Variants in MGME1 observed in about 807,000 individuals in gnomAD.
MGME1 encodes the protein mitochondrial genome maintenance exonuclease 1, also known as chromosome 20 open reading frame 72.
A neutral mutation model predicts 33.0 loss-of-function variants in MGME1; 22 were observed. The ratio of observed to expected loss-of-function variants is 0.67; its 90% CI spans 0.48 to 0.95. MGME1 has a LOEUF of 0.95. Among genes scored for constraint, MGME1 ranks in the 40% least tolerant of loss-of-function variants. The pLI, the probability that MGME1 is intolerant of heterozygous loss-of-function variation, is 0.00. For missense variants in MGME1, 383 were observed against 397.8 expected, an observed-to-expected ratio of 0.96 and a Z score of 0.32; for synonymous variants, 133 against 144.0, an observed-to-expected ratio of 0.92 and a Z score of 0.55.
chr20:17,982,340 G>A (rs1197944448), intron 3 of MGME1, among the ~76,000 whole-genome samples: 3 of 151,926 alleles, frequency 2.0e-5, no homozygotes, highest in East Asian at 1.9e-4. Context: ...GGTTGGTCTC[G>A]AACTCCTGAC....
At chr20:17,984,864 C>T (rs1011492548) in intron 3 of MGME1, among the ~76,000 whole-genome samples, 10 of 151,456 alleles carry the variant, frequency 6.6e-5, no homozygotes, top group Non-Finnish European at 1.3e-4. Flanking sequence ...GATGAAACTC[C>T]GTCTTTGCTA....
chr20:17,986,383 TC>T (rs2036155520), intron 3 of MGME1, among the ~76,000 whole-genome samples: 1 of 151,082 alleles, frequency 6.6e-6, no homozygotes, highest in South Asian at 2.1e-4. Context: ...TTTTTTTTTT[TC>T]TTTTTTCCTG....
upstream of MGME1, chr20:17,968,678 A>G: frequency 1.7e-6 from 1 of 583,394 alleles, no homozygotes; most frequent in Non-Finnish European, 3.1e-6. Context: ...GGAGCCGGGC[A>G]AAGACGCCAC....
At chr20:17,983,241 CT>C (rs1040740733) in intron 3 of MGME1, among the ~76,000 whole-genome samples, 3 of 139,020 alleles carry the variant, frequency 2.2e-5, no homozygotes, top group African/African-American at 8.0e-5. Flanking sequence ...GAATTTCCTT[CT>C]TTTTAAAGGC....
At position 17,969,161 on chromosome 20, in the gene MGME1, G is replaced by A. The variant is rs1186390161; in HGVS notation, c.-60+20G>A. 6.6e-6 allele frequency: 1 copy of A among 152,308 alleles called. No individual in the cohort carries two copies. The highest frequency in any genetic ancestry group is 2.4e-5 in the African/African-American group (1 of 41,478). 9.4% of individuals were successfully genotyped at this position (152,308 alleles called of 1,614,324 possible). On this transcript the variant is annotated intron_variant, in intron 1 of 4. Coordinates refer to ENST00000377710, the MANE Select transcript of MGME1 (RefSeq NM_052865.4). Reference sequence around the variant, plus strand: ...TCCAAGGTACCGACACTTGCCGTAGGCTGGGCTTTTATTTAAGTCGTCTTT... The same window carrying A: ...TCCAAGGTACCGACACTTGCCGTAGACTGGGCTTTTATTTAAGTCGTCTTT...
At chr20:17,979,576 AT>A (rs1165338499) in intron 3 of MGME1, among the ~76,000 whole-genome samples, 230 of 139,768 alleles carry the variant, frequency 1.6e-3, no homozygotes, top group Non-Finnish European at 1.6e-3. Flanking sequence ...CGCCCGGCTA[AT>A]TTTTTTTTTT....
At chr20:17,980,059 G>A (rs542710894) in intron 3 of MGME1, among the ~76,000 whole-genome samples, 96 of 151,880 alleles carry the variant, frequency 6.3e-4, no homozygotes, top group Non-Finnish European at 1.0e-3. Flanking sequence ...GAGTTTTGCT[G>A]TTGTCGCCCA....
In MGME1 at chr20:17,988,531, A is replaced by G. The variant is rs529885706; in HGVS notation, c.864+233A>G. Among the ~76,000 whole-genome samples, 31 of 151,876 alleles carry G rather than the reference A, an allele frequency of 2.0e-4. 1 individual carries two copies. The highest frequency in any genetic ancestry group is 7.2e-4 in the African/African-American group (30 of 41,422). On this transcript the variant is annotated intron_variant, in intron 4 of 4. Transcript: ENST00000377710. ...GTGGCTCATGCCTGTAATCCCAGCT[A>G]TTCTAGTAGCTGAGGCAGGAGAATT...
At chr20:17,975,340 C>T (rs867466451) in intron 2 of MGME1, among the ~76,000 whole-genome samples, 2 of 151,940 alleles carry the variant, frequency 1.3e-5, no homozygotes, top group Admixed American at 6.6e-5. Context: ...TGGCAGATCA[C>T]GAGGTCAGGA....
rs2036262691 is a variant in MGME1 at position 17,990,272 on chromosome 20, A to G, written c.*163A>G. ...AAATGTGTTGTTACCAAAAAGACTG[A>G]AAAGCCCCAAAGTCTAGATATAAAG... On this transcript the variant is annotated 3_prime_UTR_variant, in exon 5 of 5. Coordinates refer to ENST00000377710, the MANE Select transcript of MGME1 (RefSeq NM_052865.4). 4.4e-6 allele frequency: 3 copies of G among 685,910 alleles called. No individual in the cohort carries two copies. The highest frequency in any genetic ancestry group is 7.6e-6 in the Non-Finnish European group (3 of 396,432). 42.5% of individuals were successfully genotyped at this position (685,910 alleles called of 1,614,324 possible). A position where few individuals can be genotyped will look rare whatever the true frequency, so the allele number is the denominator to read the frequency against.
At chr20:17,975,569 GAAAAA>G in intron 2 of MGME1, 110 bp from the exon 3 acceptor site, 1 of 682,040 alleles carries the variant, frequency 1.5e-6, no homozygotes, top group South Asian at 2.1e-5. Context: ...AAAAAAAAAA[GAAAAA>G]AAAATGTCAT....
intron 4 of MGME1, among the ~76,000 whole-genome samples, chr20:17,988,595 T>C (rs1036325692): frequency 8.7e-5 from 13 of 149,572 alleles, no homozygotes; most frequent in African/African-American, 3.2e-4. Context: ...TGAGCCAAGA[T>C]TGCGCCACTA....
rs138297582 is a variant in MGME1 at position 17,982,154 on chromosome 20, G to A, written c.732-6012G>A. On this transcript the variant is annotated intron_variant, in intron 3 of 4. Transcript: ENST00000377710. ...TATTTATTTTTTTTCTTGAGACGGA[G>A]TTTCACCCTTGTTGCCCAGGCTGGA... is the stretch of plus-strand genomic sequence containing the variant. Among the ~76,000 whole-genome samples the A allele has an allele frequency of 5.2e-3, 795 of 152,180 alleles. 2 individuals carry two copies. Among genetic ancestry groups the A allele is most frequent in the Non-Finnish European group, 9.4e-3 (639 of 67,996 alleles).
chr20:17,971,005 C>T (rs1292034666), intron 2 of MGME1, among the ~76,000 whole-genome samples: 2 of 152,114 alleles, frequency 1.3e-5, no homozygotes, highest in Non-Finnish European at 2.9e-5. Context: ...TTAGCTAGTC[C>T]CATAAATTAT....
rs760288402 is a variant in MGME1, at chr20:17,975,668, C to T, written c.512-16C>T. On this transcript the variant is annotated splice_polypyrimidine_tract_variant and intron_variant, in intron 2 of 4. Transcript: ENST00000377710. ...TTGTGTTTCCCCCCTCCCCTTTTCCCTGATTTTCTTTTCAGACGTCTTTTT... is the reference window on the plus strand; with the variant it reads ...TTGTGTTTCCCCCCTCCCCTTTTCCTTGATTTTCTTTTCAGACGTCTTTTT... 2.5e-6 allele frequency: 4 copies of T among 1,601,566 alleles called. No individual in the cohort carries two copies. Among genetic ancestry groups the T allele is most frequent in the Non-Finnish European group, 3.4e-6 (4 of 1,169,790 alleles).
At chr20:17,972,792 A>G (rs147812571) in intron 2 of MGME1, 2 of 985,160 alleles carry the variant, frequency 2.0e-6, no homozygotes, top group East Asian at 1.1e-4. Flanking sequence ...TTGGCATGGC[A>G]TTTGCTAAGT....
Position 17,989,990 on chromosome 20 carries a change from C to G in MGME1, c.916C>G (p.Pro306Ala), listed in dbSNP as rs1331898499. 1.2e-6 allele frequency: 2 copies of G among 1,614,038 alleles called. No individual in the cohort carries two copies. Among genetic ancestry groups the G allele is most frequent in the Non-Finnish European group, 1.7e-6 (2 of 1,180,046 alleles). Residue 306 changes from proline to alanine, a missense_variant, in exon 5 of 5, where the codon CCA (proline) becomes GCA (alanine). Pro to Ala is a conservative substitution (Grantham distance 27). Coordinates refer to ENST00000377710, the MANE Select transcript of MGME1 (RefSeq NM_052865.4). ...CTACAAAGATGGATCACCTGCCCAC[C>G]CACATTTCATGGATGCAGAGCTCTG... ...VAYKDGSPAH[P>A]HFMDAELCSQ...
chr20:17,972,297 C>T (rs1219106471), intron 2 of MGME1, among the ~76,000 whole-genome samples: 1 of 152,156 alleles, frequency 6.6e-6, no homozygotes, highest in African/African-American at 2.4e-5. Flanking sequence ...AGAAATGTGT[C>T]TGGCATTCTT....
intron 2 of MGME1, among the ~76,000 whole-genome samples, chr20:17,972,915 T>C (rs1052626254): frequency 6.6e-6 from 1 of 151,144 alleles, no homozygotes. Flanking sequence ...ATAAATTTCT[T>C]GTAGGTCTTT....
Sources: allele counts gnomAD v4.1 joint callset (sites outside exome capture counted in the v4.1 genomes callset), GRCh38; gene constraint gnomAD v4.1.1; transcripts MANE v1.5; gene names NCBI Gene and HGNC (gene_info 2026-07-23, HGNC 2026-07-21).